ATRNL1: variants seen among roughly 807,000 people sequenced by gnomAD.
ATRNL1 encodes the protein attractin like 1.
Under a neutral mutation model 182.7 loss-of-function variants are expected in ATRNL1, and 95 were observed. That is an observed-to-expected ratio of 0.52 (90% CI 0.44 to 0.62). ATRNL1 has a LOEUF of 0.62. ATRNL1 is among the 20% of genes least tolerant of loss of function. The probability of loss-of-function intolerance (pLI) is 0.00; values close to 1 mark genes in which losing one functional copy is unlikely to be tolerated. For synonymous variants in ATRNL1, 576 were observed against 568.3 expected (o/e 1.01, Z -0.19); for missense variants, 1,471 against 1,679.5 (o/e 0.88, Z 2.17).
intron 26 of ATRNL1, among the ~76,000 whole-genome samples, chr10:115,719,167 T>C (rs936490516): frequency 6.6e-6 from 1 of 152,230 alleles, no homozygotes; most frequent in East Asian, 1.9e-4. Context: ...CCTTTGGAAT[T>C]TGAAGTAAAG....
chr10:115,635,885 A>C (rs1858838836), intron 26 of ATRNL1, among the ~76,000 whole-genome samples: 2 of 152,218 alleles, frequency 1.3e-5, no homozygotes, highest in Admixed American at 1.3e-4. Context: ...CTACATATAC[A>C]CAAAGCTAGA....
chr10:115,888,538 A>G (rs1555110372), intron 28 of ATRNL1, among the ~76,000 whole-genome samples: 2 of 152,190 alleles, frequency 1.3e-5, no homozygotes, highest in African/African-American at 4.8e-5. Flanking sequence ...CCTGTCTTTC[A>G]AGATTGAATT....
At chr10:115,411,199 C>T (rs1845123151) in intron 20 of ATRNL1, among the ~76,000 whole-genome samples, 1 of 150,050 alleles carries the variant, frequency 6.7e-6, no homozygotes, top group Non-Finnish European at 1.5e-5. Flanking sequence ...TATATTTAAA[C>T]ATTTGAATAT....
At chr10:115,341,833 C>G (rs1855766784) in intron 19 of ATRNL1, among the ~76,000 whole-genome samples, 1 of 152,024 alleles carries the variant, frequency 6.6e-6, no homozygotes, top group African/African-American at 2.4e-5. Flanking sequence ...AGTATAGCTA[C>G]TCCTATTCTT....
intron 26 of ATRNL1, among the ~76,000 whole-genome samples, chr10:115,655,012 G>T (rs1041335429): frequency 6.6e-6 from 1 of 152,118 alleles, no homozygotes; most frequent in African/African-American, 2.4e-5. Flanking sequence ...TGAGTGAGGA[G>T]GAGTGAAAGA....
At chr10:115,727,382 CCA>C (rs782803905) in intron 27 of ATRNL1, 27 bp downstream of exon 27, 1 of 1,543,366 alleles carries the variant, frequency 6.5e-7, no homozygotes, top group African/African-American at 1.4e-5. Context: ...TGAAAGAGGA[CCA>C]CTGTGCTTTG....
chr10:115,571,033 G>T (rs1371145661), intron 26 of ATRNL1, among the ~76,000 whole-genome samples: 1 of 152,202 alleles, frequency 6.6e-6, no homozygotes, highest in Admixed American at 6.5e-5. Context: ...CACTGGGGAT[G>T]GAGAATCTTC....
At chr10:115,134,726 CA>C (rs1461221072) in intron 5 of ATRNL1, among the ~76,000 whole-genome samples, 7 of 151,960 alleles carry the variant, frequency 4.6e-5, no homozygotes, top group African/African-American at 1.7e-4. Flanking sequence ...GGCAGAGACA[CA>C]ACAAAAAAAG....
intron 24 of ATRNL1, among the ~76,000 whole-genome samples, chr10:115,487,006 A>T (rs1409619659): frequency 6.6e-6 from 1 of 152,076 alleles, no homozygotes. Flanking sequence ...TCCTTCCCCC[A>T]TTGCTTGTTT....
At chr10:115,304,112 G>A (rs1295955932) in intron 17 of ATRNL1, among the ~76,000 whole-genome samples, 8 of 151,882 alleles carry the variant, frequency 5.3e-5, no homozygotes, top group African/African-American at 1.2e-4. Context: ...TTCTCTCCAG[G>A]AAACAGCCAC....
chr10:115,802,220 G>A (rs540230070), intron 27 of ATRNL1, among the ~76,000 whole-genome samples: 1 of 152,210 alleles, frequency 6.6e-6, no homozygotes, highest in South Asian at 2.1e-4. Flanking sequence ...TCATATGACA[G>A]GCTATAAAAA....
intron 8 of ATRNL1, among the ~76,000 whole-genome samples, chr10:115,203,780 A>G (rs1428700261): frequency 7.8e-6 from 1 of 128,730 alleles, no homozygotes; most frequent in African/African-American, 3.1e-5. Context: ...TATTTTTAGT[A>G]GAGACAGGGT....
intron 15 of ATRNL1, among the ~76,000 whole-genome samples, chr10:115,292,795 G>A (rs1852981973): frequency 6.6e-6 from 1 of 152,028 alleles, no homozygotes; most frequent in African/African-American, 2.4e-5. Flanking sequence ...GGTCATTCCT[G>A]GAGAATGTTC....
rs557693538 is a variant in ATRNL1 at position 115,475,948 on chromosome 10, A to G, written c.3654+6619A>G. ...ACAAAAATTATAACTGCTCATCATAACAAAGACAAAATATTTAGTTTAATT... is the reference window on the plus strand; with the variant it reads ...ACAAAAATTATAACTGCTCATCATAGCAAAGACAAAATATTTAGTTTAATT... On this transcript the variant is annotated intron_variant, in intron 24 of 28. Transcript: ENST00000355044. Among the ~76,000 whole-genome samples, 67 of 151,518 alleles carry G rather than the reference A, an allele frequency of 4.4e-4. 4 individuals are homozygous for G. The South Asian group carries it at 0.013, about 30-fold the overall frequency.
At chr10:115,280,838 G>A (rs1852328584) in intron 13 of ATRNL1, among the ~76,000 whole-genome samples, 1 of 152,174 alleles carries the variant, frequency 6.6e-6, no homozygotes. Context: ...GTTTATAAAA[G>A]CAGTAAATAC....
At chr10:115,679,189 G>A (rs74158251) in intron 26 of ATRNL1, among the ~76,000 whole-genome samples, 1,528 of 152,156 alleles carry the variant, frequency 0.01, 29 homozygotes, top group African/African-American at 0.035. Context: ...TATGTGTGAC[G>A]GAATATGCCT....
At chr10:115,611,066 C>A (rs868957067) in intron 26 of ATRNL1, among the ~76,000 whole-genome samples, 1 of 75,302 alleles carries the variant, frequency 1.3e-5, no homozygotes, top group Non-Finnish European at 3.1e-5. Context: ...TTTTTTTTTA[C>A]TATATACCTC....
chr10:115,786,712 C>G (rs1239526219), intron 27 of ATRNL1, among the ~76,000 whole-genome samples: 2 of 152,114 alleles, frequency 1.3e-5, no homozygotes, highest in African/African-American at 2.4e-5. Flanking sequence ...ACTATTCAAC[C>G]CAGTATGTGT....
At chr10:115,275,986 C>A (rs1852087963) in intron 13 of ATRNL1, among the ~76,000 whole-genome samples, 1 of 152,122 alleles carries the variant, frequency 6.6e-6, no homozygotes, top group Non-Finnish European at 1.5e-5. Context: ...GCTTAGTGAG[C>A]CCATATCAAT....
Sources: gnomAD v4.1 joint callset for allele counts (sites outside exome capture counted in the v4.1 genomes callset) on GRCh38, gnomAD v4.1.1 for gene constraint, MANE v1.5 for transcripts, NCBI Gene and HGNC (gene_info 2026-07-23, HGNC 2026-07-21) for gene names.